PRKN: variants seen among roughly 807,000 people sequenced by gnomAD.
PRKN encodes the protein parkin RBR E3 ubiquitin protein ligase.
In PRKN, 56 loss-of-function variants were observed where a neutral mutation model predicts 59.5. That is an observed-to-expected ratio of 0.94 (90% CI 0.76 to 1.18). The LOEUF (loss-of-function observed/expected upper bound fraction) is 1.18. Among genes scored for constraint, PRKN ranks in the 50% most tolerant of loss-of-function variants. The pLI is 0.00. For missense variants in PRKN, 657 were observed against 596.4 expected, an observed-to-expected ratio of 1.10 and a Z score of -1.06; for synonymous variants, 250 against 222.1, an observed-to-expected ratio of 1.13 and a Z score of -1.12.
chr6:162,065,119 A>C (rs1185319472), intron 4 of PRKN, among the ~76,000 whole-genome samples: 1 of 152,228 alleles, frequency 6.6e-6, no homozygotes, highest in Non-Finnish European at 1.5e-5. Flanking sequence ...ACATGATCAC[A>C]AGATGAAGTC....
chr6:161,424,173 C>T (rs1400458057), intron 9 of PRKN, among the ~76,000 whole-genome samples: 6 of 151,910 alleles, frequency 3.9e-5, no homozygotes, highest in Non-Finnish European at 8.8e-5. Flanking sequence ...CGTGTCTCTA[C>T]TAAAAATACA....
chr6:161,402,703 T>A lies in PRKN; in HGVS notation c.1084-15826A>T, dbSNP rs546327774. ...GATCATGGAAGCCTACAGAACTATA[T>A]CCTAGATACAGAAAAGAACAGGGGC... On this transcript the variant is annotated intron_variant, in intron 9 of 11. Transcript: ENST00000366898. The surrounding 1 kb of genome is among the most constrained non-coding windows in gnomAD (Gnocchi z 4.5). 6.6e-6 allele frequency among the ~76,000 whole-genome samples: 1 copy of A among 151,916 alleles called. No individual in the cohort carries two copies. Among genetic ancestry groups the A allele is most frequent in the Admixed American group, 6.6e-5 (1 of 15,260 alleles).
intron 7 of PRKN, among the ~76,000 whole-genome samples, chr6:161,730,255 G>T (rs1181046028): frequency 6.7e-6 from 1 of 149,472 alleles, no homozygotes; most frequent in Non-Finnish European, 1.5e-5. Flanking sequence ...AGTCTGATGT[G>T]TTGCCCTCTG....
intron 7 of PRKN, among the ~76,000 whole-genome samples, chr6:161,640,096 T>G (rs987328470): frequency 1.3e-5 from 2 of 152,182 alleles, no homozygotes; most frequent in Admixed American, 6.5e-5. Context: ...CTGTATGTAT[T>G]TTATTCTTCT....
intron 7 of PRKN, among the ~76,000 whole-genome samples, chr6:161,662,977 T>C (rs886900508): frequency 1.3e-5 from 2 of 152,272 alleles, no homozygotes; most frequent in South Asian, 4.1e-4. Flanking sequence ...AGGAGGTAAG[T>C]GAATCATAGG....
At chr6:161,723,386 G>A (rs750923346) in intron 7 of PRKN, among the ~76,000 whole-genome samples, 1 of 152,050 alleles carries the variant, frequency 6.6e-6, no homozygotes, top group Non-Finnish European at 1.5e-5. Context: ...TTAACCCAAA[G>A]TCTCTGTTCC....
chr6:162,631,919 T>C (rs1207770533), intron 1 of PRKN, among the ~76,000 whole-genome samples: 1 of 146,708 alleles, frequency 6.8e-6, no homozygotes, highest in Non-Finnish European at 1.5e-5. Context: ...AATCAACAGA[T>C]AAATGCAAAT....
chr6:161,885,096 T>G (rs1295317673), intron 6 of PRKN, among the ~76,000 whole-genome samples: 1 of 149,998 alleles, frequency 6.7e-6, no homozygotes, highest in Non-Finnish European at 1.5e-5. Context: ...TAAATGCATT[T>G]AACCATGAGA....
chr6:162,005,767 A>G (rs1188335784), intron 5 of PRKN, among the ~76,000 whole-genome samples: 1 of 152,086 alleles, frequency 6.6e-6, no homozygotes, highest in Non-Finnish European at 1.5e-5. Flanking sequence ...ATCAAATCTA[A>G]CCTTTTTTGG....
intron 1 of PRKN, among the ~76,000 whole-genome samples, chr6:162,575,092 C>T (rs1780505023): frequency 1.3e-5 from 2 of 152,300 alleles, no homozygotes; most frequent in South Asian, 4.2e-4. Context: ...TTGGTAATGG[C>T]TACTAGGTCT....
At chr6:161,534,166 G>T (rs995167926) in intron 9 of PRKN, among the ~76,000 whole-genome samples, 1 of 152,010 alleles carries the variant, frequency 6.6e-6, no homozygotes, top group Non-Finnish European at 1.5e-5. Flanking sequence ...ATGAGCCCAC[G>T]ACTCCTCTCC....
intron 6 of PRKN, among the ~76,000 whole-genome samples, chr6:161,825,212 A>C (rs904547063): frequency 4.6e-5 from 7 of 152,324 alleles, no homozygotes; most frequent in South Asian, 2.1e-4. Flanking sequence ...TATTAAAGGG[A>C]ATATCACACA....
chr6:161,822,665 A>C (rs902552383), intron 6 of PRKN, among the ~76,000 whole-genome samples: 1 of 152,106 alleles, frequency 6.6e-6, no homozygotes, highest in Admixed American at 6.6e-5. Context: ...AACAGAGTGA[A>C]ACGCTGTCAA....
intron 1 of PRKN, among the ~76,000 whole-genome samples, chr6:162,493,871 A>G (rs754542450): frequency 1.3e-5 from 2 of 152,162 alleles, no homozygotes; most frequent in Non-Finnish European, 2.9e-5. Flanking sequence ...CAGTGTCTTC[A>G]GGAAAACCAG....
intron 1 of PRKN, among the ~76,000 whole-genome samples, chr6:162,447,338 A>C (rs566962264): frequency 1.3e-5 from 2 of 152,148 alleles, no homozygotes; most frequent in Admixed American, 6.5e-5. Flanking sequence ...AGACCAAGAG[A>C]TATGATAGAG....
intron 7 of PRKN, among the ~76,000 whole-genome samples, chr6:161,677,251 T>C (rs911493433): frequency 2.3e-4 from 34 of 150,572 alleles, no homozygotes; most frequent in Admixed American, 1.9e-3. Flanking sequence ...AGAGAATCAA[T>C]AGTTCTCTAC....
At chr6:161,796,631 A>T (rs1790861435) in intron 6 of PRKN, among the ~76,000 whole-genome samples, 1 of 152,210 alleles carries the variant, frequency 6.6e-6, no homozygotes. Context: ...CAGTTAATGG[A>T]GTTATGTTTT....
intron 5 of PRKN, among the ~76,000 whole-genome samples, chr6:162,016,835 G>A (rs1245597766): frequency 1.3e-5 from 2 of 152,100 alleles, no homozygotes; most frequent in African/African-American, 4.8e-5. Flanking sequence ...TCATCTCACA[G>A]TAGTCCCTTC....
Position 161,592,500 on chromosome 6 carries a change from T to A in PRKN, c.872-23084A>T, listed in dbSNP as rs889096620. Reference sequence around the variant, plus strand: ...CCTATATTCCTTCTACAAATATATATGGCACAAAATCCAAATGCCAGGAAC... The same window carrying A: ...CCTATATTCCTTCTACAAATATATAAGGCACAAAATCCAAATGCCAGGAAC... On this transcript the variant is annotated intron_variant, in intron 7 of 11. Transcript: ENST00000366898. This position sits in a 1 kb window ranked among gnomAD's most constrained non-coding sequence, Gnocchi z 4.8. Among the ~76,000 whole-genome samples the A allele has an allele frequency of 6.6e-6, 1 of 152,156 alleles. No homozygotes were observed. Among genetic ancestry groups the A allele is most frequent in the East Asian group, 1.9e-4 (1 of 5,200 alleles).
Sources: allele counts gnomAD v4.1 joint callset (sites outside exome capture counted in the v4.1 genomes callset), GRCh38; gene constraint gnomAD v4.1.1; non-coding constraint Gnocchi (gnomAD v3.1); transcripts MANE v1.5; gene names NCBI Gene and HGNC (gene_info 2026-07-23, HGNC 2026-07-21).